The following MBNL2 variants were observed in gnomAD, a reference collection of about 807,000 sequenced individuals.
MBNL2 encodes muscleblind like splicing regulator 2.
A neutral mutation model predicts 41.9 loss-of-function variants in MBNL2; 17 were observed. That is an observed-to-expected ratio of 0.41 (90% CI 0.28 to 0.61). The LOEUF is 0.61. Ranked by LOEUF, MBNL2 falls within the 20% of genes least tolerant of loss-of-function variation. The pLI, the probability that MBNL2 is intolerant of heterozygous loss-of-function variation, is 0.35. For synonymous variants in MBNL2, 195 were observed against 182.9 expected (o/e 1.07, Z -0.53); for missense variants, 336 against 505.6 (o/e 0.66, Z 3.22).
At chr13:97,142,292 C>T in the MBNL2 span, among the ~76,000 whole-genome samples, 1 of 152,076 alleles carries the variant, frequency 6.6e-6, no homozygotes, top group East Asian at 1.9e-4. Context: ...ACTCATTAAC[C>T]AGGAGTGCTT....
intron 3 of MBNL2, among the ~76,000 whole-genome samples, chr13:97,335,298 T>G (rs560931642): frequency 1.6e-4 from 25 of 152,288 alleles, no homozygotes; most frequent in African/African-American, 6.0e-4. Context: ...TTTTTTTTTT[T>G]TAAAGAAAGG....
intron 8 of MBNL2, among the ~76,000 whole-genome samples, chr13:97,378,600 G>A (rs1391045407): frequency 6.6e-6 from 1 of 152,148 alleles, no homozygotes; most frequent in African/African-American, 2.4e-5. Flanking sequence ...ATCAGTGACA[G>A]TTCAGGAGAT....
intron 1 of MBNL2, among the ~76,000 whole-genome samples, chr13:97,245,287 T>G (rs933177703): frequency 1.1e-4 from 16 of 152,252 alleles, no homozygotes; most frequent in Non-Finnish European, 1.9e-4. Flanking sequence ...AGTTTTTGGG[T>G]GCCAAGTCTA....
chr13:97,350,194 T>C (rs1452863175), intron 5 of MBNL2, among the ~76,000 whole-genome samples: 1 of 152,248 alleles, frequency 6.6e-6, no homozygotes, highest in African/African-American at 2.4e-5. Flanking sequence ...TACACTGTGG[T>C]CTATTAAATG....
At chr13:97,175,383 G>C in the MBNL2 span, among the ~76,000 whole-genome samples, 7 of 152,128 alleles carry the variant, frequency 4.6e-5, no homozygotes, top group Non-Finnish European at 1.0e-4. Flanking sequence ...CAGAGGATTT[G>C]AACTGACCAA....
At chr13:97,174,084 A>T in the MBNL2 span, among the ~76,000 whole-genome samples, 2 of 152,304 alleles carry the variant, frequency 1.3e-5, no homozygotes, top group East Asian at 3.9e-4. Flanking sequence ...CAGTAAAGTA[A>T]ACTTCTAGAA....
intron 2 of MBNL2, among the ~76,000 whole-genome samples, chr13:97,329,358 G>A (rs1011558384): frequency 2.0e-5 from 3 of 151,956 alleles, no homozygotes; most frequent in African/African-American, 4.8e-5. Context: ...TAATAATCAG[G>A]GTGCGATTTA....
At chr13:97,304,565 A>G (rs1594184535) in intron 2 of MBNL2, among the ~76,000 whole-genome samples, 5 of 152,332 alleles carry the variant, frequency 3.3e-5, no homozygotes, top group African/African-American at 1.2e-4. Flanking sequence ...GGATCATAGT[A>G]TAAGATCTTT....
chr13:97,219,178 G>A (rs1383257421), upstream of MBNL2, among the ~76,000 whole-genome samples: 1 of 152,128 alleles, frequency 6.6e-6, no homozygotes, highest in Non-Finnish European at 1.5e-5. Flanking sequence ...TGGGAGATTT[G>A]CATGCACATT....
At chr13:97,166,261 T>C in the MBNL2 span, among the ~76,000 whole-genome samples, 1 of 152,260 alleles carries the variant, frequency 6.6e-6, no homozygotes, top group Non-Finnish European at 1.5e-5. Flanking sequence ...TAGTATGAAC[T>C]GAAAACAATC....
chr13:97,142,697 G>C, the MBNL2 span, among the ~76,000 whole-genome samples: 1 of 152,100 alleles, frequency 6.6e-6, no homozygotes, highest in Admixed American at 6.6e-5. Flanking sequence ...CTCCGCTTCC[G>C]CTTCCTGTCC....
At chr13:97,151,380 G>T in the MBNL2 span, among the ~76,000 whole-genome samples, 1 of 152,104 alleles carries the variant, frequency 6.6e-6, no homozygotes, top group Non-Finnish European at 1.5e-5. Context: ...ATGATGACAA[G>T]TATATTTCTT....
intron 2 of MBNL2, among the ~76,000 whole-genome samples, chr13:97,311,897 G>T (rs777783765): frequency 3.9e-5 from 6 of 152,098 alleles, no homozygotes; most frequent in Middle Eastern, 3.2e-3. Flanking sequence ...TGTATAACCT[G>T]CCCCACATTC....
upstream of MBNL2, among the ~76,000 whole-genome samples, chr13:97,221,266 A>C (rs1435067141): frequency 6.6e-6 from 1 of 151,848 alleles, no homozygotes; most frequent in Admixed American, 6.6e-5. Flanking sequence ...TTTTTCTCAA[A>C]ATGTGGTATT....
At chr13:97,293,427 G>A (rs2056500165) in intron 2 of MBNL2, among the ~76,000 whole-genome samples, 1 of 152,118 alleles carries the variant, frequency 6.6e-6, no homozygotes. Flanking sequence ...ATGCACTAAA[G>A]TATTTTTTTG....
At chr13:97,151,608 G>A in the MBNL2 span, among the ~76,000 whole-genome samples, 8 of 152,138 alleles carry the variant, frequency 5.3e-5, no homozygotes, top group African/African-American at 1.9e-4. Flanking sequence ...TCATGGAGTT[G>A]GGAAGAGATG....
At chr13:97,222,078 AC>A (rs1415614802), upstream of MBNL2, among the ~76,000 whole-genome samples, 1 of 151,768 alleles carries the variant, frequency 6.6e-6, no homozygotes, top group Non-Finnish European at 1.5e-5. Flanking sequence ...TTCTTGAGCT[AC>A]CCCTCTCTCT....
At chr13:97,190,028 C>A in the MBNL2 span, among the ~76,000 whole-genome samples, 2 of 152,210 alleles carry the variant, frequency 1.3e-5, no homozygotes, top group African/African-American at 4.8e-5. Context: ...GGAGTTCAAA[C>A]CACGAGTGTC....
At chr13:97,154,581 G>A in the MBNL2 span, among the ~76,000 whole-genome samples, 3 of 152,132 alleles carry the variant, frequency 2.0e-5, no homozygotes, top group Non-Finnish European at 4.4e-5. Flanking sequence ...CTCCCAAAGT[G>A]CTGGGATTAC....
Sources: gnomAD v4.1 joint callset for allele counts (sites outside exome capture counted in the v4.1 genomes callset) on GRCh38, gnomAD v4.1.1 for gene constraint, MANE v1.5 for transcripts, NCBI Gene and HGNC (gene_info 2026-07-23, HGNC 2026-07-21) for gene names.